DIAPH2: variants seen among roughly 807,000 people sequenced by gnomAD.
DIAPH2 encodes protein diaphanous homolog 2.
Under a neutral mutation model 92.7 loss-of-function variants are expected in DIAPH2, and 35 were observed. The observed-to-expected ratio is 0.38, with a 90% CI of 0.29 to 0.50. The LOEUF is 0.50. Ranked by LOEUF, DIAPH2 falls within the 20% of genes least tolerant of loss-of-function variation. The pLI is 0.94. For synonymous variants in DIAPH2, 301 were observed against 280.4 expected, an observed-to-expected ratio of 1.07 and a Z score of -0.73; for missense variants, 701 against 819.5, an observed-to-expected ratio of 0.86 and a Z score of 1.77.
intron 17 of DIAPH2, among the ~76,000 whole-genome samples, chrX:96,976,891 A>T (rs1355039200): frequency 9.0e-6 from 1 of 111,654 alleles, no homozygotes; most frequent in Non-Finnish European, 1.9e-5. Flanking sequence ...TTTTAAATTC[A>T]TATCATACCA....
At chrX:97,090,148 G>A (rs1235118043) in intron 19 of DIAPH2, among the ~76,000 whole-genome samples, 1 of 111,547 alleles carries the variant, frequency 9.0e-6, no homozygotes, top group African/African-American at 3.3e-5. Flanking sequence ...TTTGAATACT[G>A]CTTCAAGGGG....
chrX:97,178,757 T>C lies in DIAPH2; in HGVS notation c.2719+36963T>C, dbSNP rs10217853. 7.2e-3 allele frequency among the ~76,000 whole-genome samples: 804 copies of C among 111,344 alleles called. 9 individuals carry two copies. The highest frequency in any genetic ancestry group is 0.025 in the African/African-American group (758 of 30,619). ...TCATGTGTTGAAATGTAATCGTCAA[T>C]GTGATAGTATTAAGAGGTGAGGCCT... On this transcript the variant is annotated intron_variant, in intron 22 of 26. Transcript: ENST00000324765.
chrX:97,543,717 G>A (rs1241616045), intron 26 of DIAPH2, among the ~76,000 whole-genome samples: 4 of 109,797 alleles, frequency 3.6e-5, no homozygotes, highest in Admixed American at 9.7e-5. Context: ...TGTTGGCCAC[G>A]CTGGTCTCAA....
At chrX:97,584,758 C>G (rs1020837763) in intron 26 of DIAPH2, among the ~76,000 whole-genome samples, 3 of 112,647 alleles carry the variant, frequency 2.7e-5, no homozygotes, top group Non-Finnish European at 5.6e-5. Context: ...TGGAATATAA[C>G]ATGGGTATTT....
intron 5 of DIAPH2, among the ~76,000 whole-genome samples, chrX:96,889,107 C>T (rs1336869448): frequency 9.0e-6 from 1 of 111,697 alleles, no homozygotes; most frequent in Non-Finnish European, 1.9e-5. Flanking sequence ...CCTTTGTACT[C>T]ATCTATCAGC....
At chrX:97,412,665 A>G (rs1188668330) in intron 25 of DIAPH2, among the ~76,000 whole-genome samples, 2 of 112,151 alleles carry the variant, frequency 1.8e-5, no homozygotes, top group Non-Finnish European at 3.8e-5. Context: ...AGCAAGACTA[A>G]TAAAGAAGAA....
intron 4 of DIAPH2, among the ~76,000 whole-genome samples, chrX:96,799,814 A>G (rs1031082998): frequency 9.1e-6 from 1 of 110,203 alleles, no homozygotes; most frequent in Non-Finnish European, 1.9e-5. Context: ...TCTCAAAAAT[A>G]AAATAAAATG....
At chrX:97,378,819 G>A (rs1459580647) in intron 24 of DIAPH2, among the ~76,000 whole-genome samples, 2 of 111,735 alleles carry the variant, frequency 1.8e-5, no homozygotes, top group Non-Finnish European at 3.8e-5. Flanking sequence ...TACACACCAC[G>A]TTTCTTTATA....
intron 22 of DIAPH2, among the ~76,000 whole-genome samples, chrX:97,239,833 A>AGTCTCT (rs2068076980): frequency 1.5e-5 from 1 of 68,099 alleles, no homozygotes; most frequent in Admixed American, 1.7e-4. Flanking sequence ...CTCTAGTAAA[A>AGTCTCT]ATCTCTCTCT....
rs1218866762 is a variant in DIAPH2, at chrX:97,080,676, C to T, written c.2247+5415C>T. On this transcript the variant is annotated intron_variant, in intron 19 of 26. Coordinates refer to ENST00000324765, the MANE Select transcript of DIAPH2 (RefSeq NM_006729.5). ...TACCGACAGAATAATCAGAATGACA[C>T]GAAGATCATCTAGTCCATTCCCCTG... Among the ~76,000 whole-genome samples, 3 of 111,384 alleles carry T rather than the reference C, an allele frequency of 2.7e-5. No homozygotes were observed. In the Admixed American group the frequency reaches 2.9e-4, roughly 11 times the overall value.
At chrX:97,258,632 G>A (rs1569343236) in intron 23 of DIAPH2, among the ~76,000 whole-genome samples, 1 of 107,826 alleles carries the variant, frequency 9.3e-6, no homozygotes, top group African/African-American at 3.4e-5. Flanking sequence ...CACTTTGGGA[G>A]ACTGAGGCGG....
intron 26 of DIAPH2, among the ~76,000 whole-genome samples, chrX:97,507,195 T>G (rs1184767337): frequency 1.6e-4 from 7 of 43,312 alleles, no homozygotes; most frequent in Non-Finnish European, 8.5e-5. Context: ...ATAAATTCTA[T>G]TTTTTTACAA....
intron 4 of DIAPH2, among the ~76,000 whole-genome samples, chrX:96,818,128 GCCAAAA>G (rs2064752153): frequency 7.2e-5 from 3 of 41,565 alleles, no homozygotes; most frequent in African/African-American, 1.7e-4. Flanking sequence ...GCAGGTGCCC[GCCAAAA>G]CGCCCGGCTA....
chrX:97,200,689 G>C (rs1304840891), intron 22 of DIAPH2, among the ~76,000 whole-genome samples: 2 of 111,770 alleles, frequency 1.8e-5, no homozygotes, highest in Non-Finnish European at 3.8e-5. Context: ...CATCTTCCTG[G>C]GACAGAGCAC....
At chrX:97,123,845 A>G (rs150039897) in intron 21 of DIAPH2, among the ~76,000 whole-genome samples, 23 of 112,808 alleles carry the variant, frequency 2.0e-4, no homozygotes, top group Admixed American at 1.8e-3. Context: ...TCAATTAGCA[A>G]GTCAGTGCTT....
intron 25 of DIAPH2, among the ~76,000 whole-genome samples, chrX:97,387,623 AC>A (rs1444343438): frequency 8.9e-6 from 1 of 112,001 alleles, no homozygotes; most frequent in Non-Finnish European, 1.9e-5. Context: ...CCCAAAGTTC[AC>A]TGATTTAAAT....
At chrX:97,001,577 C>T (rs1479120275) in intron 17 of DIAPH2, among the ~76,000 whole-genome samples, 3 of 110,887 alleles carry the variant, frequency 2.7e-5, no homozygotes, top group Non-Finnish European at 3.8e-5. Flanking sequence ...ACCTGGGAGG[C>T]GGAGGTTGCA....
At chrX:96,885,250 C>A (rs1245206894) in intron 5 of DIAPH2, 4 of 481,679 alleles carry the variant, frequency 8.3e-6, no homozygotes, top group Non-Finnish European at 1.4e-5. Flanking sequence ...TTGAACTTTT[C>A]GGATTTTCTG....
At chrX:96,739,174 A>G (rs1339332418) in intron 3 of DIAPH2, among the ~76,000 whole-genome samples, 2 of 111,517 alleles carry the variant, frequency 1.8e-5, no homozygotes, top group East Asian at 5.6e-4. Context: ...GAGTAACAAT[A>G]GAAGGGACAG....
Sources: gnomAD v4.1 joint callset for allele counts (sites outside exome capture counted in the v4.1 genomes callset) on GRCh38, gnomAD v4.1.1 for gene constraint, MANE v1.5 for transcripts, NCBI Gene and HGNC (gene_info 2026-07-23, HGNC 2026-07-21) for gene names.